The following PCDHA10 variants were observed in gnomAD, a reference collection of about 807,000 sequenced individuals.
PCDHA10 encodes the protein protocadherin alpha-10.
PCDHA10 carries 45 observed loss-of-function variants against 61.2 expected under a neutral mutation model. The ratio of observed to expected loss-of-function variants is 0.74; its 90% CI spans 0.58 to 0.94. PCDHA10 has a LOEUF of 0.94. Among genes scored for constraint, PCDHA10 ranks in the 40% least tolerant of loss-of-function variants. PCDHA10 has a pLI of 0.00. For synonymous variants in PCDHA10, 602 were observed against 548.8 expected, an observed-to-expected ratio of 1.10 and a Z score of -1.35; for missense variants, 1,278 against 1,236.2, an observed-to-expected ratio of 1.03 and a Z score of -0.51.
At chr5:140,988,169 A>G (rs1384072642) in intron 3 of PCDHA10, among the ~76,000 whole-genome samples, 3 of 152,128 alleles carry the variant, frequency 2.0e-5, no homozygotes. Flanking sequence ...TGTCATAGCA[A>G]TGACAGTCCT....
intron 2 of PCDHA10, among the ~76,000 whole-genome samples, chr5:140,981,682 C>T (rs2096944253): frequency 6.6e-6 from 1 of 151,668 alleles, no homozygotes; most frequent in South Asian, 2.1e-4. Flanking sequence ...TCCTTCCTCC[C>T]TTCCATCATT....
intron 1 of PCDHA10, among the ~76,000 whole-genome samples, chr5:140,944,313 G>A (rs2093639720): frequency 6.6e-6 from 1 of 152,066 alleles, no homozygotes; most frequent in Non-Finnish European, 1.5e-5. Context: ...TCAGCCTCCT[G>A]AGTAGCTGGG....
chr5:140,886,827 G>GAAAAAAAAA, intron 1 of PCDHA10, among the ~76,000 whole-genome samples: 1 of 60,890 alleles, frequency 1.6e-5, no homozygotes, highest in Non-Finnish European at 3.3e-5. Flanking sequence ...ACTTCGTCTT[G>GAAAAAAAAA]AAAAAAAAAA....
At chr5:140,913,970 T>C (rs2076541614) in intron 1 of PCDHA10, among the ~76,000 whole-genome samples, 1 of 152,144 alleles carries the variant, frequency 6.6e-6, no homozygotes. Context: ...TAAAAAAATA[T>C]TTTAGGACTT....
At chr5:140,916,264 A>G (rs1455161672) in intron 1 of PCDHA10, among the ~76,000 whole-genome samples, 1 of 152,200 alleles carries the variant, frequency 6.6e-6, no homozygotes, top group East Asian at 1.9e-4. Flanking sequence ...CCCCAAGAGC[A>G]TGCTTGTTGC....
intron 3 of PCDHA10, among the ~76,000 whole-genome samples, chr5:140,987,372 A>G (rs1357478474): frequency 6.6e-6 from 1 of 152,204 alleles, no homozygotes; most frequent in Non-Finnish European, 1.5e-5. Flanking sequence ...ATATCATTAC[A>G]GGGTCAGAAT....
chr5:140,932,421 G>T (rs530079640), intron 1 of PCDHA10, among the ~76,000 whole-genome samples: 1 of 151,878 alleles, frequency 6.6e-6, no homozygotes, highest in Non-Finnish European at 1.5e-5. Context: ...TTAGTGTATT[G>T]TTCACCTGGA....
chr5:141,007,779 C>T (rs1378096050), intron 3 of PCDHA10, among the ~76,000 whole-genome samples: 4 of 152,184 alleles, frequency 2.6e-5, no homozygotes, highest in African/African-American at 9.7e-5. Context: ...AATGGTACTG[C>T]TTTACAAATT....
At chr5:140,883,986 C>T in intron 1 of PCDHA10, 1 of 1,612,808 alleles carries the variant, frequency 6.2e-7, no homozygotes, top group Non-Finnish European at 8.5e-7. Flanking sequence ...GCTGGCAGCG[C>T]GGGAGGCACA....
chr5:140,882,859 G>A (rs2059337136), intron 1 of PCDHA10: 1 of 1,614,192 alleles, frequency 6.2e-7, no homozygotes, highest in East Asian at 2.2e-5. Context: ...TTGTACTGAG[G>A]AAAACACTGG....
At chr5:140,998,853 T>G (rs575455675) in intron 3 of PCDHA10, among the ~76,000 whole-genome samples, 1 of 152,346 alleles carries the variant, frequency 6.6e-6, no homozygotes, top group South Asian at 2.1e-4. Flanking sequence ...GTGAGCCACA[T>G]GCCTGGCCTT....
At position 140,875,345 on chromosome 5, in the gene PCDHA10, A is replaced by T. The variant is rs183266244; in HGVS notation, c.2388+16909A>T. 3,872 of 1,443,290 alleles carry T rather than the reference A, an allele frequency of 2.7e-3. 16 individuals are homozygous for T. The highest frequency in any genetic ancestry group is 0.011 in the African/African-American group (735 of 69,882). 89.4% of individuals were successfully genotyped at this position (1,443,290 alleles called of 1,614,324 possible). On this transcript the variant is annotated intron_variant, in intron 1 of 3. Coordinates refer to ENST00000307360, the MANE Select transcript of PCDHA10 (RefSeq NM_018901.4). ...TTCACGGAATAGGATCGACTCCATA[A>T]TGACTGTGATGCTGGAAAAAATTTA...
chr5:140,975,759 A>G (rs1420459945), intron 1 of PCDHA10, among the ~76,000 whole-genome samples: 1 of 152,248 alleles, frequency 6.6e-6, no homozygotes, highest in Non-Finnish European at 1.5e-5. Context: ...TCTATGTCAT[A>G]AATCACAGAT....
At chr5:140,895,341 T>C (rs996566433) in intron 1 of PCDHA10, among the ~76,000 whole-genome samples, 5 of 152,186 alleles carry the variant, frequency 3.3e-5, no homozygotes, top group African/African-American at 1.2e-4. Flanking sequence ...TGTTTTACTA[T>C]GCTTTCCAGT....
chr5:140,871,722 A>G (rs1354844618), intron 1 of PCDHA10: 1 of 760,470 alleles, frequency 1.3e-6, no homozygotes, highest in Non-Finnish European at 2.0e-6. Context: ...ATTTCTCTTA[A>G]TATTTGGTTA....
In PCDHA10 at chr5:140,929,213, A is replaced by T. The variant is rs199608631; in HGVS notation, c.2389-49736A>T. On this transcript the variant is annotated intron_variant, in intron 1 of 3. Coordinates refer to ENST00000307360, the MANE Select transcript of PCDHA10 (RefSeq NM_018901.4). ...AATAACAGTTTGCTGTTGCGTGGGG[A>T]GTACAATGCTGCCGACCTGCGAAAT... 3 of 1,614,052 alleles carry T rather than the reference A, an allele frequency of 1.9e-6. No homozygotes were observed. The East Asian group carries it at 6.7e-5, about 36-fold the overall frequency.
chr5:140,968,989 C>T, intron 1 of PCDHA10: 1 of 1,614,234 alleles, frequency 6.2e-7, no homozygotes, highest in Non-Finnish European at 8.5e-7. Flanking sequence ...GCACTGCATG[C>T]TGTGGAGGCT....
At chr5:140,878,400 A>C (rs1190004888) in intron 1 of PCDHA10, among the ~76,000 whole-genome samples, 2 of 152,218 alleles carry the variant, frequency 1.3e-5, no homozygotes, top group Non-Finnish European at 2.9e-5. Flanking sequence ...TGCTCACAAA[A>C]TATCTTCTTT....
rs139745274 is a variant in PCDHA10, at chr5:140,994,788, C to T, written c.2536+12225C>T. On this transcript the variant is annotated intron_variant, in intron 3 of 3. Coordinates refer to ENST00000307360, the MANE Select transcript of PCDHA10 (RefSeq NM_018901.4). ...AGAATTCCAGGCAAAGGAAACAATG[C>T]GTGCATGCAAAAACAAAATACAAAA... Among the ~76,000 whole-genome samples, 132 of 152,194 alleles carry T rather than the reference C, an allele frequency of 8.7e-4. 2 individuals carry two copies. The East Asian group carries it at 0.024, about 28-fold the overall frequency.
Sources: allele counts gnomAD v4.1 joint callset (sites outside exome capture counted in the v4.1 genomes callset), GRCh38; gene constraint gnomAD v4.1.1; transcripts MANE v1.5; gene names NCBI Gene and HGNC (gene_info 2026-07-23, HGNC 2026-07-21).